Variants in VPS13A observed in about 807,000 individuals in gnomAD.
VPS13A encodes vacuolar protein sorting 13 homolog A.
VPS13A carries 264 observed loss-of-function variants against 390.9 expected under a neutral mutation model. The observed-to-expected ratio is 0.68, with a 90% confidence interval of 0.61 to 0.75. The LOEUF (loss-of-function observed/expected upper bound fraction) is 0.75, where lower values mean the gene tolerates loss of function less well. Ranked by LOEUF, VPS13A falls within the 30% of genes least tolerant of loss-of-function variation. The pLI, the probability that VPS13A is intolerant of heterozygous loss-of-function variation, is 0.00. For synonymous variants in VPS13A, 1,231 were observed against 1,227.1 expected (o/e 1.00, Z -0.07); for missense variants, 3,409 against 3,733.9 (o/e 0.91, Z 2.27).
At chr9:77,411,135 CACTT>C (rs1430785275) in intron 71 of VPS13A, among the ~76,000 whole-genome samples, 3 of 152,130 alleles carry the variant, frequency 2.0e-5, no homozygotes, top group Non-Finnish European at 4.4e-5. Context: ...TTAAGAAACT[CACTT>C]AAAACCACTC....
intron 14 of VPS13A, among the ~76,000 whole-genome samples, 184 bp from the exon 15 acceptor site, chr9:77,226,280 CTA>C (rs766804852): frequency 6.6e-6 from 1 of 151,910 alleles, no homozygotes; most frequent in Non-Finnish European, 1.5e-5. Flanking sequence ...GGTGGAAAAA[CTA>C]TGTGGTACTC....
intron 46 of VPS13A, among the ~76,000 whole-genome samples, chr9:77,336,071 C>T (rs983480759): frequency 5.9e-5 from 9 of 152,118 alleles, no homozygotes; most frequent in Non-Finnish European, 1.2e-4. Flanking sequence ...ATGGGTGAAG[C>T]TGGAAACCAT....
rs764893746 is a variant in VPS13A at position 77,199,924 on chromosome 9, CT to C, written c.101-13del. On this transcript the variant is annotated intron_variant, in intron 1 of 71. Coordinates refer to ENST00000360280, the MANE Select transcript of VPS13A (RefSeq NM_033305.3). Reference sequence around the variant, plus strand: ...ATGAAAAATATTTGATTGTTTGAATCTTTTTTTTAATCTTTTTTAGGAGCTG... The same window carrying C: ...ATGAAAAATATTTGATTGTTTGAATCTTTTTTTAATCTTTTTTAGGAGCTG... The C allele has an allele frequency of 1.5e-5, 24 of 1,581,056 alleles. No individual in the cohort carries two copies. Among genetic ancestry groups the C allele is most frequent in the South Asian group, 5.8e-5 (5 of 86,084 alleles).
intron 62 of VPS13A, among the ~76,000 whole-genome samples, 186 bp from the exon 63 acceptor site, chr9:77,369,113 A>G (rs1396549060): frequency 6.6e-6 from 1 of 152,236 alleles, no homozygotes; most frequent in African/African-American, 2.4e-5. Context: ...CCTGGGCAAC[A>G]GAGCAGGACT....
chr9:77,304,759 G>A (rs532527637), intron 34 of VPS13A, among the ~76,000 whole-genome samples: 4 of 152,252 alleles, frequency 2.6e-5, no homozygotes, highest in African/African-American at 4.8e-5. Flanking sequence ...TTGACTGGAT[G>A]AAAGTCAAAA....
At chr9:77,335,364 A>C (rs528634717) in intron 46 of VPS13A, among the ~76,000 whole-genome samples, 1 of 152,308 alleles carries the variant, frequency 6.6e-6, no homozygotes, top group African/African-American at 2.4e-5. Flanking sequence ...AATGGGATCT[A>C]ATTAAACTAA....
intron 50 of VPS13A, among the ~76,000 whole-genome samples, chr9:77,343,334 G>A (rs1830943494): frequency 6.6e-6 from 1 of 152,178 alleles, no homozygotes; most frequent in South Asian, 2.1e-4. Flanking sequence ...GAATAAAACT[G>A]TCTTTAACAA....
intron 34 of VPS13A, among the ~76,000 whole-genome samples, chr9:77,304,107 C>T (rs1828562475): frequency 1.3e-5 from 2 of 152,156 alleles, no homozygotes; most frequent in Admixed American, 1.3e-4. Context: ...CTTTCAAGGG[C>T]AGAGGTCCCT....
In VPS13A at chr9:77,316,404, A is replaced by G; in HGVS notation, c.4861A>G (p.Thr1621Ala). Residue 1621 changes from threonine (T) to alanine (A), a missense_variant and splice_region_variant, in exon 39 of 72, where the codon ACT becomes GCT. Thr to Ala is a moderately conservative substitution (Grantham distance 58, BLOSUM62 0). Coordinates refer to ENST00000360280, the MANE Select transcript of VPS13A (RefSeq NM_033305.3). ...AGTCAAGAGAAAAGGCAAAATCACT[A>G]CTGTGAGTTAACTATTTGATCATCT... The part of the protein sequence containing the change: ...LPVKRKGKIT[T>A]VLQPCDLFYQ... The G allele has an allele frequency of 6.2e-7, 1 of 1,610,044 alleles. No individual in the cohort carries two copies. The highest frequency in any genetic ancestry group is 8.5e-7 in the Non-Finnish European group (1 of 1,176,554).
intron 7 of VPS13A, among the ~76,000 whole-genome samples, chr9:77,212,257 G>T (rs1462873513): frequency 1.3e-5 from 2 of 151,898 alleles, no homozygotes; most frequent in Non-Finnish European, 2.9e-5. Flanking sequence ...CAATATACCT[G>T]GTTTTACTTT....
intron 52 of VPS13A, chr9:77,350,822 T>C (rs1233771454): frequency 5.9e-6 from 1 of 170,880 alleles, no homozygotes; most frequent in Non-Finnish European, 1.3e-5. Context: ...ATTTTATTAC[T>C]TGTTTGGTTT....
intron 68 of VPS13A, among the ~76,000 whole-genome samples, chr9:77,399,167 T>TAAAAAA (rs763173093): frequency 8.1e-5 from 7 of 86,116 alleles, no homozygotes; most frequent in African/African-American, 2.1e-4. Flanking sequence ...TAGAGTATAA[T>TAAAAAA]AAAAAAAAAA....
chr9:77,378,531 A>G (rs1038214937), intron 67 of VPS13A, among the ~76,000 whole-genome samples: 1 of 151,860 alleles, frequency 6.6e-6, no homozygotes, highest in Non-Finnish European at 1.5e-5. Context: ...TTTTGTTTCC[A>G]TAAGATTGGT....
Position 77,308,051 on chromosome 9 carries a change from A to T in VPS13A, c.4067A>T (p.Tyr1356Phe). 1 of 1,613,948 alleles carries T rather than the reference A, an allele frequency of 6.2e-7. No individual in the cohort carries two copies. The highest frequency in any genetic ancestry group is 1.1e-5 in the South Asian group (1 of 91,078). The change falls in exon 35 of 72, where the codon TAC becomes TTC. Residue 1356 changes from tyrosine to phenylalanine, a missense_variant. Tyr to Phe is a conservative substitution (Grantham distance 22). Around this residue, in one of 5 missense-constraint regions of VPS13A, gnomAD observed 2,717 missense variants for 2,917.4 expected, o/e 0.93. Transcript: ENST00000360280. ...TCACCTGCTGTAACAAAAGACCAAT[A>T]CAGTGCCACTAGTGGAGTTACTACT... ...SASPAVTKDQ[Y>F]SATSGVTTNA... is the part of the protein sequence containing the mutation.
intron 2 of VPS13A, 138 bp from the exon 3 acceptor site, chr9:77,201,223 TTAAA>T (rs1318339233): frequency 3.0e-5 from 18 of 607,296 alleles, no homozygotes; most frequent in Non-Finnish European, 5.3e-5. Context: ...GTTTATATAT[TTAAA>T]TAAATGTTGA....
intron 46 of VPS13A, among the ~76,000 whole-genome samples, chr9:77,333,462 G>C (rs565853446): frequency 8.7e-6 from 1 of 114,914 alleles, no homozygotes. Flanking sequence ...ATGGAGTTTC[G>C]CTCTTGTTGC....
chr9:77,259,944 C>T (rs1825662411), intron 22 of VPS13A, 142 bp from the exon 23 acceptor site: 4 of 638,328 alleles, frequency 6.3e-6, no homozygotes, highest in East Asian at 2.9e-5. Context: ...CTGGTTAATA[C>T]GGTAAGACGG....
intron 32 of VPS13A, among the ~76,000 whole-genome samples, chr9:77,294,186 G>A (rs1366920609): frequency 6.6e-6 from 1 of 152,084 alleles, no homozygotes; most frequent in Non-Finnish European, 1.5e-5. Context: ...CTCCCAAAGC[G>A]CTGAGATTAC....
chr9:77,360,437 A>G lies in VPS13A; in HGVS notation c.8106-99A>G, dbSNP rs149906560. ...GTCAACTAAATAGTCCTAAGTTTCA[A>G]AGTTCTAATATTGATCTCATACTTT... On this transcript the variant is annotated intron_variant, in intron 58 of 71. Coordinates refer to ENST00000360280, the MANE Select transcript of VPS13A (RefSeq NM_033305.3). 2.3e-3 allele frequency: 2,025 copies of G among 894,656 alleles called. 16 individuals are homozygous for G. The highest frequency in any genetic ancestry group is 0.022 in the Admixed American group (1,160 of 52,676). 55.4% of individuals were successfully genotyped at this position (894,656 alleles called of 1,614,324 possible).
Sources: gnomAD v4.1 joint callset for allele counts (sites outside exome capture counted in the v4.1 genomes callset) on GRCh38, gnomAD v4.1.1 for gene constraint, gnomAD v4.1.1 regional missense constraint, MANE v1.5 for transcripts, NCBI Gene and HGNC (gene_info 2026-07-23, HGNC 2026-07-21) for gene names.